The following REPS2 variants were observed in gnomAD, a reference collection of about 807,000 sequenced individuals.
REPS2 encodes RALBP1 associated Eps domain containing 2.
In REPS2, 23 loss-of-function variants were observed where a neutral mutation model predicts 53.6. That is an observed-to-expected ratio of 0.43 (90% CI 0.31 to 0.61). The LOEUF (loss-of-function observed/expected upper bound fraction) is 0.61, where lower values mean the gene tolerates loss of function less well. REPS2 is among the 20% of genes least tolerant of loss of function. REPS2 has a pLI of 0.11. For missense variants in REPS2, 446 were observed against 534.9 expected, an observed-to-expected ratio of 0.83 and a Z score of 1.64; for synonymous variants, 238 against 218.6, an observed-to-expected ratio of 1.09 and a Z score of -0.78.
chrX:17,059,317 A>G (rs748149240), intron 8 of REPS2, among the ~76,000 whole-genome samples: 9 of 96,546 alleles, frequency 9.3e-5, no homozygotes, highest in Non-Finnish European at 1.7e-4. Flanking sequence ...TTTTTTTTTT[A>G]AAGCTTAACT....
At chrX:16,968,120 T>A (rs1011246083) in intron 1 of REPS2, among the ~76,000 whole-genome samples, 1 of 111,295 alleles carries the variant, frequency 9.0e-6, no homozygotes, top group Non-Finnish European at 1.9e-5. Context: ...CAACCCTGAG[T>A]GGACACAGCA....
At chrX:16,967,696 G>C (rs756154439) in intron 1 of REPS2, among the ~76,000 whole-genome samples, 11 of 110,454 alleles carry the variant, frequency 1.0e-4, no homozygotes, top group African/African-American at 3.6e-4. Context: ...TTTATGTACA[G>C]GTTCATATAT....
At chrX:17,194,103 C>T in the REPS2 span, among the ~76,000 whole-genome samples, 1 of 111,545 alleles carries the variant, frequency 9.0e-6, no homozygotes, top group African/African-American at 3.3e-5. Context: ...AATTGAATAC[C>T]TAAGTATGAA....
At chrX:17,179,582 C>T in the REPS2 span, among the ~76,000 whole-genome samples, 1 of 111,885 alleles carries the variant, frequency 8.9e-6, no homozygotes, top group Non-Finnish European at 1.9e-5. Context: ...GATGATCCAT[C>T]CCTGCTGAGT....
At chrX:17,162,231 C>G in the REPS2 span, among the ~76,000 whole-genome samples, 1 of 112,321 alleles carries the variant, frequency 8.9e-6, no homozygotes, top group Non-Finnish European at 1.9e-5. Flanking sequence ...CTTTATTTGA[C>G]CTGACTCAGA....
chrX:17,100,294 C>G (rs1281409044), intron 13 of REPS2: 1 of 549,567 alleles, frequency 1.8e-6, no homozygotes, highest in Non-Finnish European at 3.3e-6. Context: ...CCTCCACTTT[C>G]TTCTTGTTTT....
Position 17,147,428 on chromosome X carries a change from C to A in REPS2, c.1930C>A (p.Arg644=). Residue 644 remains arginine (R), a synonymous_variant, in exon 18 of 18, where the codon CGA becomes AGA. Transcript: ENST00000357277. The part of the protein sequence containing the change: ...QQQLKEVHQE[R]IALENQLEQL... ...TACAACTCAGGAGGTTCATCAAGAA[C>A]GAATTGCATTGGAAAACCAATTGGA... 2 of 1,207,400 alleles carry A rather than the reference C, an allele frequency of 1.7e-6. No individual in the cohort carries two copies. The highest frequency in any genetic ancestry group is 2.2e-6 in the Non-Finnish European group (2 of 892,488).
In REPS2 at chrX:16,946,726, T is replaced by TG; in HGVS notation, c.-131dup. ...GCGGCCGCGCGGCAGCTGCGGGGCG[T>TG]GGGGGTGGTGGTGGCGGCGGCGGTG... On this transcript the variant is annotated 5_prime_UTR_variant, in exon 1 of 18. Transcript: ENST00000357277. 1.9e-6 allele frequency: 1 copy of TG among 526,554 alleles called. No homozygotes were observed. The highest frequency in any genetic ancestry group is 2.2e-6 in the Non-Finnish European group (1 of 445,359). The allele number at this position is 526,554 out of a possible 1,213,427, so 43.4% of individuals were successfully genotyped here.
At chrX:17,116,332 C>G (rs185243757) in intron 14 of REPS2, among the ~76,000 whole-genome samples, 2 of 110,503 alleles carry the variant, frequency 1.8e-5, no homozygotes, top group East Asian at 5.7e-4. Context: ...ACTTCAGCCT[C>G]CTGAGTAGCT....
chrX:17,005,620 T>C (rs911558270), intron 1 of REPS2, among the ~76,000 whole-genome samples: 5 of 111,388 alleles, frequency 4.5e-5, no homozygotes, highest in African/African-American at 1.6e-4. Context: ...AACATTTGAG[T>C]TCAATCTAGG....
the REPS2 span, among the ~76,000 whole-genome samples, chrX:17,173,788 A>G: frequency 8.9e-6 from 1 of 112,110 alleles, no homozygotes; most frequent in Non-Finnish European, 1.9e-5. Context: ...TTGTGGTTCA[A>G]TCTTTTCATA....
intron 13 of REPS2, among the ~76,000 whole-genome samples, chrX:17,080,769 T>C (rs770720798): frequency 2.7e-5 from 3 of 112,507 alleles, no homozygotes; most frequent in Non-Finnish European, 5.6e-5. Flanking sequence ...TGTATTGTTA[T>C]TGGCCATAAA....
At chrX:17,003,394 G>C (rs760328007) in intron 1 of REPS2, among the ~76,000 whole-genome samples, 1 of 111,593 alleles carries the variant, frequency 9.0e-6, no homozygotes, top group East Asian at 2.8e-4. Context: ...GAGACATGAC[G>C]ATGTTGGAAA....
chrX:16,973,795 TA>T (rs200045438), intron 1 of REPS2, among the ~76,000 whole-genome samples: 3,778 of 110,791 alleles, frequency 0.034, 172 homozygotes, highest in African/African-American at 0.12. Context: ...ATTTTATATA[TA>T]TTTTATATAT....
intron 2 of REPS2, among the ~76,000 whole-genome samples, chrX:17,013,751 C>T (rs6632943): frequency 0.37 from 40,029 of 109,470 alleles, 6,095 homozygotes; most frequent in East Asian, 0.87. Context: ...TTCTGACTGA[C>T]GTCCAACCCA....
chrX:16,977,716 TAAAA>T (rs67498814), intron 1 of REPS2, among the ~76,000 whole-genome samples: 6 of 78,254 alleles, frequency 7.7e-5, no homozygotes, highest in South Asian at 7.4e-4. Context: ...ACCCTGTCTC[TAAAA>T]AAAAAAAAAA....
At position 17,149,017 on chromosome X, in the gene REPS2, C is replaced by A. The variant is rs758720855; in HGVS notation, c.*1536C>A. The stretch of plus-strand genomic sequence containing the variant: ...GCAAGCTTTATCAATAGCTTAATGG[C>A]AGAGGATAAAGGCTCAAACAGATGA... On this transcript the variant is annotated 3_prime_UTR_variant, in exon 18 of 18. Coordinates refer to ENST00000357277, the MANE Select transcript of REPS2 (RefSeq NM_004726.3). 1.3e-5 allele frequency: 5 copies of A among 372,206 alleles called. No homozygotes were observed. Among genetic ancestry groups the A allele is most frequent in the Non-Finnish European group, 2.6e-5 (5 of 191,813 alleles). 30.7% of individuals were successfully genotyped at this position (372,206 alleles called of 1,213,427 possible). A position where few individuals can be genotyped will look rare whatever the true frequency, so the allele number is the denominator to read the frequency against.
intron 13 of REPS2, among the ~76,000 whole-genome samples, chrX:17,079,927 G>A (rs896392450): frequency 3.6e-5 from 4 of 111,846 alleles, no homozygotes; most frequent in Non-Finnish European, 5.6e-5. Flanking sequence ...AGAAATTATC[G>A]AAATGCTGAC....
the REPS2 span, among the ~76,000 whole-genome samples, chrX:17,185,685 G>A: frequency 4.5e-3 from 499 of 112,048 alleles, 1 homozygote; most frequent in Non-Finnish European, 7.8e-3. Context: ...AATTACCCAA[G>A]TTGGAATGGA....
Sources: gnomAD v4.1 joint callset for allele counts (sites outside exome capture counted in the v4.1 genomes callset) on GRCh38, gnomAD v4.1.1 for gene constraint, MANE v1.5 for transcripts, NCBI Gene and HGNC (gene_info 2026-07-23, HGNC 2026-07-21) for gene names.